SNX7: variants seen among roughly 807,000 people sequenced by gnomAD.
SNX7 encodes the protein sorting nexin 7, also known as sorting nexin-7.
SNX7 carries 35 observed loss-of-function variants against 48.4 expected under a neutral mutation model. That is an observed-to-expected ratio of 0.72 (90% CI 0.55 to 0.96). SNX7 has a LOEUF of 0.96. Ranked by LOEUF, SNX7 falls within the 40% of genes least tolerant of loss-of-function variation. SNX7 has a pLI of 0.00. For missense variants in SNX7, 553 were observed against 548.9 expected (o/e 1.01, Z -0.07); for synonymous variants, 190 against 190.2 (o/e 1.00, Z 0.01).
At chr1:98,669,352 A>G (rs1460537873) in intron 1 of SNX7, among the ~76,000 whole-genome samples, 2 of 152,220 alleles carry the variant, frequency 1.3e-5, no homozygotes, top group Non-Finnish European at 2.9e-5. Context: ...CTATTGAAAT[A>G]GCCTCATAAG....
In SNX7 at chr1:98,760,001, A is replaced by G. The variant is rs371916007; in HGVS notation, c.1279-53A>G. 100 of 1,169,808 alleles carry G rather than the reference A, an allele frequency of 8.5e-5. No individual in the cohort carries two copies. In the African/African-American group the frequency reaches 1.3e-3, roughly 16 times the overall value. 72.5% of individuals were successfully genotyped at this position (1,169,808 alleles called of 1,614,324 possible). A position where few individuals can be genotyped will look rare whatever the true frequency, so the allele number is the denominator to read the frequency against. On this transcript the variant is annotated intron_variant, in intron 8 of 8. Transcript: ENST00000306121. Reference sequence around the variant, plus strand: ...TGTGTTAGAATTTATTAATCCTTTAACACTGAAAGTAAACTATTGTTGATT... The same window carrying G: ...TGTGTTAGAATTTATTAATCCTTTAGCACTGAAAGTAAACTATTGTTGATT...
intron 2 of SNX7, among the ~76,000 whole-genome samples, chr1:98,688,502 T>A (rs990811679): frequency 6.6e-6 from 1 of 152,212 alleles, no homozygotes; most frequent in Non-Finnish European, 1.5e-5. Flanking sequence ...TATAAATGCC[T>A]GTCATTGTAT....
rs1655036691 is a variant in SNX7 at position 98,760,057 on chromosome 1, C to T, written c.1282C>T (p.Leu428Phe). 2 of 1,594,830 alleles carry T rather than the reference C, an allele frequency of 1.3e-6. No individual in the cohort carries two copies. Among genetic ancestry groups the T allele is most frequent in the South Asian group, 2.2e-5 (2 of 90,694 alleles). ...EENIHYYEQC[L>F]ATWESFLTSQ... ...ATGGTGTGTTTCCATTATTCAGTGC[C>T]TTGCTACGTGGGAGTCATTCCTTAC... The change falls in exon 9 of 9, where the codon CTT becomes TTT. Residue 428 changes from leucine (L) to phenylalanine (F), a missense_variant. By Grantham distance (22) the Leu-to-Phe change is conservative. Coordinates refer to ENST00000306121, the MANE Select transcript of SNX7 (RefSeq NM_015976.5).
rs1288569907 is a variant in SNX7, at chr1:98,704,035, CCTGGGT to C, written c.1125+2134_1125+2139del. On this transcript the variant is annotated intron_variant, in intron 7 of 8. Coordinates refer to ENST00000306121, the MANE Select transcript of SNX7 (RefSeq NM_015976.5). ...CACAAAAGCACAAGGAAAAAAATAG[CCTGGGT>C]CCAAATATGGCTGGGATTTCCCAAC... 2.0e-5 allele frequency among the ~76,000 whole-genome samples: 3 copies of C among 151,858 alleles called. No homozygotes were observed. In the East Asian group the frequency reaches 5.8e-4, roughly 29 times the overall value.
intron 6 of SNX7, 30 bp from the exon 7 acceptor site, chr1:98,701,787 C>T (rs760613829): frequency 2.1e-6 from 3 of 1,447,014 alleles, no homozygotes; most frequent in Non-Finnish European, 2.9e-6. Flanking sequence ...CTAAGTACAG[C>T]CTATTTTATC....
At chr1:98,748,120 G>T (rs1469451234) in intron 8 of SNX7, among the ~76,000 whole-genome samples, 1 of 151,778 alleles carries the variant, frequency 6.6e-6, no homozygotes, top group African/African-American at 2.4e-5. Flanking sequence ...AAGTAGCTGG[G>T]ATTACAGGCA....
intron 1 of SNX7, among the ~76,000 whole-genome samples, chr1:98,664,596 T>C (rs1193057731): frequency 2.0e-5 from 3 of 152,192 alleles, no homozygotes; most frequent in African/African-American, 4.8e-5. Context: ...ATGGCAAATA[T>C]ACATTTTGTG....
chr1:98,685,295 C>T (rs1011105755), intron 2 of SNX7, among the ~76,000 whole-genome samples: 2 of 152,016 alleles, frequency 1.3e-5, no homozygotes, highest in African/African-American at 4.8e-5. Context: ...CATTTTATAG[C>T]AGCTATACTT....
intron 8 of SNX7, among the ~76,000 whole-genome samples, chr1:98,747,482 G>A (rs1280801971): frequency 6.6e-6 from 1 of 152,168 alleles, no homozygotes; most frequent in Admixed American, 6.6e-5. Context: ...GTGGTGATTT[G>A]CATGTGGCAT....
intron 7 of SNX7, among the ~76,000 whole-genome samples, chr1:98,734,819 T>C (rs1557829899): frequency 6.6e-6 from 1 of 152,180 alleles, no homozygotes; most frequent in Non-Finnish European, 1.5e-5. Flanking sequence ...TACAGTCTTT[T>C]ATTATTACTT....
intron 7 of SNX7, among the ~76,000 whole-genome samples, chr1:98,718,910 G>A (rs1652724673): frequency 6.6e-6 from 1 of 151,992 alleles, no homozygotes; most frequent in Non-Finnish European, 1.5e-5. Flanking sequence ...CCATTGTATG[G>A]CTGTGCAGAA....
intron 8 of SNX7, among the ~76,000 whole-genome samples, chr1:98,756,408 T>C (rs182336179): frequency 2.0e-3 from 299 of 150,138 alleles, no homozygotes; most frequent in African/African-American, 7.0e-3. Context: ...GTCTCTTTTT[T>C]TTCTGCCAGA....
chr1:98,700,498 AT>A (rs1651689279), intron 6 of SNX7, among the ~76,000 whole-genome samples: 1 of 151,878 alleles, frequency 6.6e-6, no homozygotes, highest in African/African-American at 2.4e-5. Flanking sequence ...TATCAGTTGA[AT>A]TTTCTATGGA....
chr1:98,691,937 A>ACT (rs59743636), intron 4 of SNX7, among the ~76,000 whole-genome samples: 1,329 of 131,132 alleles, frequency 0.01, 14 homozygotes, highest in African/African-American at 0.029. Context: ...ACACACACAC[A>ACT]CTCTCTCTCT....
At chr1:98,672,439 A>G (rs1649921284) in intron 1 of SNX7, among the ~76,000 whole-genome samples, 1 of 149,496 alleles carries the variant, frequency 6.7e-6, no homozygotes, top group South Asian at 2.3e-4. Context: ...ATCACCTGGC[A>G]GCTGGCCAGG....
intron 8 of SNX7, among the ~76,000 whole-genome samples, chr1:98,755,713 C>G (rs186877333): frequency 3.3e-5 from 5 of 152,074 alleles, no homozygotes; most frequent in African/African-American, 1.2e-4. Context: ...ATCCTCCCAC[C>G]TCGACCACCC....
chr1:98,730,097 G>T (rs1653424862), intron 7 of SNX7, among the ~76,000 whole-genome samples: 1 of 152,130 alleles, frequency 6.6e-6, no homozygotes, highest in Non-Finnish European at 1.5e-5. Context: ...ATGCAAGGCT[G>T]GTTCAACATA....
intron 8 of SNX7, among the ~76,000 whole-genome samples, chr1:98,739,113 A>G (rs1653940723): frequency 6.6e-6 from 1 of 152,148 alleles, no homozygotes; most frequent in Non-Finnish European, 1.5e-5. Flanking sequence ...GCTCTACCTC[A>G]GATCATCAGC....
At chr1:98,686,822 C>T (rs373472979) in intron 2 of SNX7, among the ~76,000 whole-genome samples, 24 of 152,196 alleles carry the variant, frequency 1.6e-4, no homozygotes, top group Middle Eastern at 6.8e-3. Context: ...CAAATTTCTT[C>T]TATTACTACT....
Sources: gnomAD v4.1 joint callset for allele counts (sites outside exome capture counted in the v4.1 genomes callset) on GRCh38, gnomAD v4.1.1 for gene constraint, MANE v1.5 for transcripts, NCBI Gene and HGNC (gene_info 2026-07-23, HGNC 2026-07-21) for gene names.